PDE10A: variants seen among roughly 807,000 people sequenced by gnomAD.
PDE10A encodes phosphodiesterase 10A.
A neutral mutation model predicts 97.7 loss-of-function variants in PDE10A; 39 were observed. The observed-to-expected ratio is 0.40, with a 90% CI of 0.31 to 0.52. The LOEUF is 0.52. Ranked by LOEUF, PDE10A falls within the 20% of genes least tolerant of loss-of-function variation. PDE10A has a pLI of 0.56. For missense variants in PDE10A, 731 were observed against 1,047.8 expected (o/e 0.70, Z 4.17); for synonymous variants, 371 against 376.8 (o/e 0.98, Z 0.18).
chr6:165,835,921 C>T (rs949360798), intron 1 of PDE10A, among the ~76,000 whole-genome samples: 1 of 152,220 alleles, frequency 6.6e-6, no homozygotes, highest in African/African-American at 2.4e-5. Flanking sequence ...TGCTCTAGTT[C>T]AGCCTCGCCC....
At chr6:165,576,322 CA>C in intron 1 of PDE10A, 1 of 728,316 alleles carries the variant, frequency 1.4e-6, no homozygotes. Flanking sequence ...ATTGGCAGAT[CA>C]AAACAGAGCT....
chr6:165,450,806 C>T (rs1479788233), intron 3 of PDE10A, among the ~76,000 whole-genome samples: 1 of 152,102 alleles, frequency 6.6e-6, no homozygotes, highest in Non-Finnish European at 1.5e-5. Flanking sequence ...CAAGTGATCC[C>T]TCTGCCTCAG....
At chr6:165,718,041 G>A (rs142696252) in intron 1 of PDE10A, among the ~76,000 whole-genome samples, 42 of 152,244 alleles carry the variant, frequency 2.8e-4, no homozygotes, top group African/African-American at 1.0e-3. Context: ...CCCGTTCCGT[G>A]GGTTACCTTC....
At chr6:165,547,382 C>T (rs531265763) in intron 1 of PDE10A, among the ~76,000 whole-genome samples, 1 of 152,048 alleles carries the variant, frequency 6.6e-6, no homozygotes, top group Non-Finnish European at 1.5e-5. Context: ...TTATGAAGAG[C>T]TGATGAATTT....
At chr6:165,576,461 T>C (rs1282354984) in intron 1 of PDE10A, 1 of 780,904 alleles carries the variant, frequency 1.3e-6, no homozygotes. Flanking sequence ...TACATTCTTT[T>C]CCTTCAAAGT....
At chr6:165,967,058 A>G (rs1784531533) in intron 1 of PDE10A, among the ~76,000 whole-genome samples, 1 of 152,210 alleles carries the variant, frequency 6.6e-6, no homozygotes, top group South Asian at 2.1e-4. Context: ...AGAGGGAACT[A>G]CAATTATCTG....
intron 1 of PDE10A, among the ~76,000 whole-genome samples, chr6:165,922,745 G>A (rs143338213): frequency 2.0e-5 from 3 of 152,310 alleles, no homozygotes; most frequent in South Asian, 4.2e-4. Context: ...AAAGTGCCCC[G>A]TGGGTAGTGC....
At chr6:165,691,222 C>G (rs1791287870) in intron 1 of PDE10A, among the ~76,000 whole-genome samples, 1 of 146,774 alleles carries the variant, frequency 6.8e-6, no homozygotes, top group Admixed American at 6.8e-5. Flanking sequence ...CACACACACA[C>G]ACACACACAC....
At chr6:165,399,659 A>C (rs1383833781) in intron 13 of PDE10A, among the ~76,000 whole-genome samples, 1 of 147,978 alleles carries the variant, frequency 6.8e-6, no homozygotes, top group African/African-American at 2.5e-5. Flanking sequence ...CCCACCTATG[A>C]GTGAGAACAT....
intron 1 of PDE10A, among the ~76,000 whole-genome samples, chr6:165,580,353 G>A (rs546715468): frequency 5.9e-5 from 9 of 152,252 alleles, no homozygotes; most frequent in Admixed American, 5.9e-4. Flanking sequence ...AGCATGAGAA[G>A]GTAGTGATGC....
intron 1 of PDE10A, among the ~76,000 whole-genome samples, chr6:165,578,227 T>C (rs746578699): frequency 6.6e-6 from 1 of 151,274 alleles, no homozygotes; most frequent in Non-Finnish European, 1.5e-5. Context: ...TTCTTCTTCT[T>C]TGGATGGCTG....
intron 18 of PDE10A, among the ~76,000 whole-genome samples, chr6:165,361,320 ATTAGAT>A (rs1448828588): frequency 6.6e-6 from 1 of 152,248 alleles, no homozygotes; most frequent in Non-Finnish European, 1.5e-5. Flanking sequence ...AACAAGCCTC[ATTAGAT>A]TTAAAAGAAT....
chr6:165,485,126 C>T (rs976547587), intron 2 of PDE10A, among the ~76,000 whole-genome samples: 3 of 152,240 alleles, frequency 2.0e-5, no homozygotes, highest in Non-Finnish European at 2.9e-5. Flanking sequence ...CCAAGGAAGC[C>T]ATGAAACCTT....
chr6:165,708,696 C>T (rs1259858056), intron 1 of PDE10A, among the ~76,000 whole-genome samples: 2 of 151,584 alleles, frequency 1.3e-5, no homozygotes, highest in East Asian at 1.9e-4. Context: ...TGCTCCTGCG[C>T]TCTCCTCACC....
At chr6:165,614,447 A>G (rs1787633268) in intron 1 of PDE10A, among the ~76,000 whole-genome samples, 1 of 152,196 alleles carries the variant, frequency 6.6e-6, no homozygotes, top group African/African-American at 2.4e-5. Context: ...GCAACACATC[A>G]TGCGTGCTTC....
At chr6:165,764,547 C>T (rs868205338) in intron 1 of PDE10A, among the ~76,000 whole-genome samples, 21 of 152,134 alleles carry the variant, frequency 1.4e-4, no homozygotes, top group African/African-American at 4.1e-4. Flanking sequence ...TTCTGGTGTT[C>T]GGAGTTTCTT....
chr6:165,801,747 T>C (rs539965746), intron 1 of PDE10A, among the ~76,000 whole-genome samples: 2 of 152,332 alleles, frequency 1.3e-5, no homozygotes, highest in East Asian at 3.9e-4. Flanking sequence ...GGTTCTAAGA[T>C]TGAGGCTTTG....
At chr6:165,515,489 TACAC>T (rs60583870) in intron 2 of PDE10A, among the ~76,000 whole-genome samples, 8,763 of 148,048 alleles carry the variant, frequency 0.059, 851 homozygotes, top group African/African-American at 0.21. Flanking sequence ...ATTTATAGTA[TACAC>T]ACACACACAC....
intron 1 of PDE10A, among the ~76,000 whole-genome samples, chr6:165,641,515 G>T (rs1035828890): frequency 1.3e-5 from 2 of 150,004 alleles, no homozygotes; most frequent in Non-Finnish European, 3.0e-5. Flanking sequence ...CAGTAATCTG[G>T]CAAATGCTTC....
Sources: gnomAD v4.1 joint callset for allele counts (sites outside exome capture counted in the v4.1 genomes callset) on GRCh38, gnomAD v4.1.1 for gene constraint, MANE v1.5 for transcripts, NCBI Gene and HGNC (gene_info 2026-07-23, HGNC 2026-07-21) for gene names.